Variants in RIMS2 observed in about 807,000 individuals in gnomAD.
RIMS2 encodes the protein regulating synaptic membrane exocytosis protein 2.
In RIMS2, 59 loss-of-function variants were observed where a neutral mutation model predicts 174.4. The observed-to-expected ratio is 0.34, with a 90% CI of 0.27 to 0.42. RIMS2 has a LOEUF of 0.42. RIMS2 is among the 10% of genes least tolerant of loss of function. RIMS2 has a pLI of 1.00. For synonymous variants in RIMS2, 606 were observed against 572.5 expected (o/e 1.06, Z -0.84); for missense variants, 1,620 against 1,666.3 (o/e 0.97, Z 0.48).
At chr8:103,736,761 T>C (rs886196964) in intron 2 of RIMS2, among the ~76,000 whole-genome samples, 1 of 152,208 alleles carries the variant, frequency 6.6e-6, no homozygotes, top group Non-Finnish European at 1.5e-5. Context: ...TATAATGGCC[T>C]ATAATTGAGT....
intron 9 of RIMS2, 34 bp from the exon 13 acceptor site, chr8:103,921,638 T>C (rs1370313683): frequency 1.2e-6 from 1 of 843,646 alleles, no homozygotes; most frequent in East Asian, 2.4e-5. Flanking sequence ...GAAGAGCCAT[T>C]GTTATTATTC....
chr8:104,003,076 C>T (rs1259656323), intron 17 of RIMS2, among the ~76,000 whole-genome samples: 1 of 151,960 alleles, frequency 6.6e-6, no homozygotes. Context: ...CCTTTTTTAA[C>T]ATTTACCTTT....
chr8:103,931,318 C>G lies in RIMS2; in HGVS notation c.2300C>G (p.Ala767Gly), dbSNP rs753881938. The G allele has an allele frequency of 1.9e-6, 3 of 1,603,706 alleles. No homozygotes were observed. Among genetic ancestry groups the G allele is most frequent in the Admixed American group, 3.5e-5 (2 of 57,916 alleles). Residue 767 changes from alanine (A) to glycine (G), a missense_variant, in exon 12 of 24, where the codon GCA becomes GGA. Ala to Gly is a moderately conservative substitution (Grantham distance 60). This residue lies in a region of RIMS2 where 1,395 missense variants were observed against 1,360.1 expected (regional missense o/e 1.03). Transcript: ENST00000504942. ...CAATTAATAGTTACAATTTTGGGAGCAAAAGATCTCCCTTCCAGGGAAGAT... is the reference window on the plus strand; with the variant it reads ...CAATTAATAGTTACAATTTTGGGAGGAAAAGATCTCCCTTCCAGGGAAGAT...
In RIMS2 at chr8:103,508,483, A is replaced by G. The variant is rs143325584; in HGVS notation, c.176+7421A>G. Reference sequence around the variant, plus strand: ...AAAAAAAAAAAAAAAAAAGAAGACGATGCAGGACATGGTCAAGAAGTTTGC... The same window carrying G: ...AAAAAAAAAAAAAAAAAAGAAGACGGTGCAGGACATGGTCAAGAAGTTTGC... On this transcript the variant is annotated intron_variant, in intron 1 of 23. Coordinates refer to ENST00000504942, the Ensembl canonical transcript of RIMS2. Among the ~76,000 whole-genome samples, 917 of 150,738 alleles carry G rather than the reference A, an allele frequency of 6.1e-3. 11 individuals carry two copies. Among genetic ancestry groups the G allele is most frequent in the African/African-American group, 0.021 (867 of 41,170 alleles).
At chr8:103,569,288 C>G (rs1430617376) in intron 1 of RIMS2, among the ~76,000 whole-genome samples, 1 of 152,056 alleles carries the variant, frequency 6.6e-6, no homozygotes, top group Non-Finnish European at 1.5e-5. Context: ...GTTGTAAATA[C>G]TATTCTTTCT....
intron 19 of RIMS2, among the ~76,000 whole-genome samples, chr8:104,048,353 A>C (rs549774485): frequency 6.6e-6 from 1 of 152,310 alleles, no homozygotes; most frequent in East Asian, 1.9e-4. Context: ...TCATGACCCA[A>C]TAAATACTAT....
chr8:103,779,984 A>G (rs778458878), intron 3 of RIMS2, among the ~76,000 whole-genome samples: 19 of 151,620 alleles, frequency 1.3e-4, no homozygotes, highest in Non-Finnish European at 2.4e-4. Flanking sequence ...TCATTGGTCT[A>G]TGTGTCTGTT....
intron 10 of RIMS2, among the ~76,000 whole-genome samples, chr8:103,923,863 C>T (rs1040465571): frequency 9.2e-5 from 14 of 151,516 alleles, no homozygotes; most frequent in African/African-American, 3.4e-4. Flanking sequence ...GAAATATAAC[C>T]ATTCACTACA....
intron 1 of RIMS2, among the ~76,000 whole-genome samples, chr8:103,519,192 T>C (rs142114268): frequency 1.5e-3 from 221 of 152,282 alleles, no homozygotes; most frequent in African/African-American, 4.5e-3. Context: ...ATATGTCATA[T>C]ATACTATATA....
intron 1 of RIMS2, among the ~76,000 whole-genome samples, chr8:103,623,635 C>T (rs1564062478): frequency 1.3e-5 from 2 of 150,528 alleles, no homozygotes; most frequent in East Asian, 1.9e-4. Context: ...CAGGCGCCCG[C>T]CACCACGCCC....
intron 4 of RIMS2, among the ~76,000 whole-genome samples, chr8:103,906,308 T>C (rs759217348): frequency 6.6e-6 from 1 of 152,152 alleles, no homozygotes; most frequent in Non-Finnish European, 1.5e-5. Flanking sequence ...GCAATGGCAC[T>C]GTCTCAGCTT....
chr8:103,664,276 A>G (rs1035782759), intron 1 of RIMS2, among the ~76,000 whole-genome samples: 2 of 152,194 alleles, frequency 1.3e-5, no homozygotes, highest in African/African-American at 4.8e-5. Flanking sequence ...AAAATAGACA[A>G]ATGGGATCTA....
chr8:103,566,028 C>G (rs374191131), intron 1 of RIMS2, among the ~76,000 whole-genome samples: 136 of 152,222 alleles, frequency 8.9e-4, no homozygotes, highest in African/African-American at 3.1e-3. Flanking sequence ...AATAAGATTT[C>G]TTGAAATTGA....
chr8:104,191,978 A>C (rs1377787133), intron 19 of RIMS2, among the ~76,000 whole-genome samples: 1 of 152,164 alleles, frequency 6.6e-6, no homozygotes, highest in Non-Finnish European at 1.5e-5. Flanking sequence ...CAGTTATCCT[A>C]GAAAAATATT....
At chr8:103,707,652 T>C (rs913721200) in intron 2 of RIMS2, among the ~76,000 whole-genome samples, 1 of 152,042 alleles carries the variant, frequency 6.6e-6, no homozygotes, top group African/African-American at 2.4e-5. Flanking sequence ...GGGGGATGGG[T>C]GACTCGGCAC....
At chr8:103,704,691 A>G (rs1048540111) in intron 2 of RIMS2, among the ~76,000 whole-genome samples, 5 of 151,944 alleles carry the variant, frequency 3.3e-5, no homozygotes, top group African/African-American at 1.2e-4. Flanking sequence ...TCATGATCCA[A>G]TCTTGGTAGG....
chr8:104,227,990 T>C (rs1461048364), intron 19 of RIMS2, among the ~76,000 whole-genome samples: 1 of 151,956 alleles, frequency 6.6e-6, no homozygotes, highest in Non-Finnish European at 1.5e-5. Flanking sequence ...AAAAGACCTA[T>C]TTAACTCAGC....
At chr8:103,587,105 G>A (rs1270064862) in intron 1 of RIMS2, among the ~76,000 whole-genome samples, 10 of 151,890 alleles carry the variant, frequency 6.6e-5, no homozygotes, top group Non-Finnish European at 1.5e-4. Context: ...GGAAAATCTA[G>A]AAGAAATGGA....
chr8:104,231,872 C>T (rs2099231335), intron 19 of RIMS2, among the ~76,000 whole-genome samples: 1 of 152,168 alleles, frequency 6.6e-6, no homozygotes. Context: ...TTTTATTCTT[C>T]AGTCCCACTA....
Sources: allele counts gnomAD v4.1 joint callset (sites outside exome capture counted in the v4.1 genomes callset), GRCh38; gene constraint gnomAD v4.1.1; regional missense constraint gnomAD v4.1.1; transcripts MANE v1.5; gene names NCBI Gene and HGNC (gene_info 2026-07-23, HGNC 2026-07-21).